The following HYDIN variants were observed in gnomAD, a reference collection of about 807,000 sequenced individuals.
HYDIN encodes the protein axonemal central pair apparatus protein HYDIN.
A neutral mutation model predicts 403.9 loss-of-function variants in HYDIN; 132 were observed. The observed-to-expected ratio is 0.33, with a 90% CI of 0.28 to 0.38. HYDIN has a LOEUF of 0.38. Among genes scored for constraint, HYDIN ranks in the 10% least tolerant of loss-of-function variants. The pLI is 1.00. For missense variants in HYDIN, 2,827 were observed against 5,009.5 expected (o/e 0.56, Z 13.15); for synonymous variants, 1,202 against 1,891.7 (o/e 0.64, Z 9.46).
intron 73 of HYDIN, among the ~76,000 whole-genome samples, chr16:70,851,379 G>A (rs1281441898): frequency 1.3e-5 from 2 of 151,672 alleles, no homozygotes; most frequent in South Asian, 2.1e-4. Context: ...AATTGAACAA[G>A]CAAAAAACAA....
rs1004283718 is a variant in HYDIN, at chr16:70,985,293, G to C, written c.4224C>G (p.Ile1408Met). ...QLFDHVTERE[I>M]TLTNMGKVGF... ...CAACTTTCCCCATGTTCGTCAGCGTGATTTCCCTCTCTGTGACATGGTCAA... is the reference window on the plus strand; with the variant it reads ...CAACTTTCCCCATGTTCGTCAGCGTCATTTCCCTCTCTGTGACATGGTCAA... Residue 1408 changes from isoleucine (I) to methionine (M), a missense_variant, in exon 28 of 86, where the codon ATC becomes ATG. Coordinates refer to ENST00000393567, the MANE Select transcript of HYDIN (RefSeq NM_001270974.2). 3 of 1,515,960 alleles carry C rather than the reference G, an allele frequency of 2.0e-6. No individual in the cohort carries two copies. The highest frequency in any genetic ancestry group is 2.7e-6 in the Non-Finnish European group (3 of 1,099,532). The allele number at this position is 1,515,960 out of a possible 1,614,324, so 93.9% of individuals were successfully genotyped here.
At chr16:71,076,171 C>G (rs1311318836) in intron 13 of HYDIN, among the ~76,000 whole-genome samples, 1 of 152,216 alleles carries the variant, frequency 6.6e-6, no homozygotes, top group Non-Finnish European at 1.5e-5. Flanking sequence ...TAACTTCACA[C>G]TGTCCAACGG....
chr16:70,937,728 T>C (rs979466288), intron 44 of HYDIN, among the ~76,000 whole-genome samples: 3 of 144,720 alleles, frequency 2.1e-5, no homozygotes, highest in Non-Finnish European at 3.0e-5. Context: ...GCAAAAGCTG[T>C]TTCAGGTCAG....
At chr16:70,906,883 C>T (rs1028258355) in intron 50 of HYDIN, among the ~76,000 whole-genome samples, 8 of 152,190 alleles carry the variant, frequency 5.3e-5, no homozygotes, top group Non-Finnish European at 1.0e-4. Context: ...TCCCCAATAG[C>T]GCTAGCTCTC....
chr16:70,849,092 A>G (rs1396743168), intron 75 of HYDIN, among the ~76,000 whole-genome samples: 1 of 151,874 alleles, frequency 6.6e-6, no homozygotes, highest in Non-Finnish European at 1.5e-5. Flanking sequence ...GGGAGTTGCA[A>G]TCTGTTCTAC....
intron 7 of HYDIN, among the ~76,000 whole-genome samples, chr16:71,149,817 C>T (rs1041846299): frequency 1.4e-4 from 21 of 152,040 alleles, no homozygotes; most frequent in African/African-American, 4.8e-4. Context: ...TGTGAGCCAC[C>T]GCAGTCGGCT....
chr16:71,214,936 G>C (rs750629615), intron 1 of HYDIN, among the ~76,000 whole-genome samples: 1 of 152,170 alleles, frequency 6.6e-6, no homozygotes, highest in African/African-American at 2.4e-5. Flanking sequence ...CTCCTTGGCA[G>C]AGATCCAGGA....
chr16:70,867,028 CAAAAAAAAAA>C (rs34578135), intron 66 of HYDIN, among the ~76,000 whole-genome samples: 1 of 92,970 alleles, frequency 1.1e-5, no homozygotes, highest in Non-Finnish European at 2.1e-5. Context: ...CTGTCCCCCT[CAAAAAAAAAA>C]AAAAAAAAAA....
At chr16:70,841,373 A>G (rs1482849572) in intron 75 of HYDIN, among the ~76,000 whole-genome samples, 1 of 152,128 alleles carries the variant, frequency 6.6e-6, no homozygotes, top group Non-Finnish European at 1.5e-5. Flanking sequence ...AAAAGTTCTC[A>G]AAAGGAATAG....
At chr16:71,218,482 T>A (rs917917094) in intron 1 of HYDIN, among the ~76,000 whole-genome samples, 11 of 152,326 alleles carry the variant, frequency 7.2e-5, no homozygotes, top group Non-Finnish European at 1.6e-4. Flanking sequence ...GGAAAAGCTA[T>A]TTGCCATGGT....
At chr16:70,848,660 G>A (rs966075726) in intron 75 of HYDIN, among the ~76,000 whole-genome samples, 1 of 104,448 alleles carries the variant, frequency 9.6e-6, no homozygotes. Flanking sequence ...CTGAGGGGCT[G>A]TGTGTGTGTG....
At chr16:71,005,201 CAT>C (rs1325657374) in intron 23 of HYDIN, among the ~76,000 whole-genome samples, 3 of 152,182 alleles carry the variant, frequency 2.0e-5, no homozygotes, top group East Asian at 3.9e-4. Flanking sequence ...CTATTAAATG[CAT>C]TCAAATTGTC....
At chr16:71,012,298 C>T (rs1195109705) in intron 23 of HYDIN, among the ~76,000 whole-genome samples, 1 of 152,258 alleles carries the variant, frequency 6.6e-6, no homozygotes, top group Non-Finnish European at 1.5e-5. Context: ...CCCGGCACTT[C>T]CTGCCAGCTT....
intron 1 of HYDIN, among the ~76,000 whole-genome samples, chr16:71,229,270 C>G (rs1170864299): frequency 6.6e-6 from 1 of 152,036 alleles, no homozygotes; most frequent in African/African-American, 2.4e-5. Flanking sequence ...CAAACCTGCA[C>G]GTTGTGCACA....
intron 8 of HYDIN, chr16:71,131,544 C>A: frequency 6.7e-6 from 1 of 150,162 alleles, no homozygotes; most frequent in South Asian, 2.2e-4. Flanking sequence ...CATTAAAGTG[C>A]TGGAATGATA....
intron 18 of HYDIN, among the ~76,000 whole-genome samples, chr16:71,055,203 A>G (rs1487538162): frequency 6.6e-6 from 1 of 152,294 alleles, no homozygotes; most frequent in Non-Finnish European, 1.5e-5. Context: ...AAAGAGAAGG[A>G]ATCTGAAAGT....
In HYDIN at chr16:70,807,638, C is replaced by G; in HGVS notation, c.15308G>C (p.Gly5103Ala). 2 of 1,614,130 alleles carry G rather than the reference C, an allele frequency of 1.2e-6. No individual in the cohort carries two copies. Among genetic ancestry groups the G allele is most frequent in the East Asian group, 2.2e-5 (1 of 44,880 alleles). Residue 5103 changes from glycine (G) to alanine (A), a missense_variant, in exon 86 of 86, where the codon GGT (glycine) becomes GCT (alanine). By Grantham distance (60) the Gly-to-Ala change is moderately conservative (BLOSUM62 0). Transcript: ENST00000393567. Reference sequence around the variant, plus strand: ...TTTAACTCCAGTCTCACTCCCTTCACCAGGAGGGCAGCTCACAGTCAGCTT... The same window carrying G: ...TTTAACTCCAGTCTCACTCCCTTCAGCAGGAGGGCAGCTCACAGTCAGCTT... ...TTKLTVSCPP[G>A]EGSETGVKWV...
At chr16:71,068,718 T>C (rs548078716) in intron 14 of HYDIN, among the ~76,000 whole-genome samples, 12 of 152,256 alleles carry the variant, frequency 7.9e-5, no homozygotes, top group African/African-American at 2.9e-4. Context: ...AGACAAAACA[T>C]GGAAGGATGA....
At chr16:70,926,353 T>C (rs938579093) in intron 45 of HYDIN, among the ~76,000 whole-genome samples, 2 of 151,942 alleles carry the variant, frequency 1.3e-5, no homozygotes, top group Non-Finnish European at 2.9e-5. Flanking sequence ...CAGTAAACTA[T>C]TGCAAGGACA....
Sources: allele counts gnomAD v4.1 joint callset (sites outside exome capture counted in the v4.1 genomes callset), GRCh38; gene constraint gnomAD v4.1.1; transcripts MANE v1.5; gene names NCBI Gene and HGNC (gene_info 2026-07-23, HGNC 2026-07-21).